The following SF3A1 variants were observed in gnomAD, a reference collection of about 807,000 sequenced individuals.
The protein encoded by SF3A1 is splicing factor 3a subunit 1, also known as SAP 114.
A neutral mutation model predicts 89.9 loss-of-function variants in SF3A1; 13 were observed. The ratio of observed to expected loss-of-function variants is 0.14; its 90% CI spans 0.09 to 0.23. The LOEUF (loss-of-function observed/expected upper bound fraction) is 0.23, where lower values mean the gene tolerates loss of function less well. Among genes scored for constraint, SF3A1 ranks in the 10% least tolerant of loss-of-function variants. The probability of loss-of-function intolerance (pLI) is 1.00; values close to 1 mark genes in which losing one functional copy is unlikely to be tolerated. For synonymous variants in SF3A1, 405 were observed against 374.4 expected (o/e 1.08, Z -0.94); for missense variants, 604 against 1,022.1 (o/e 0.59, Z 5.58).
chr22:30,342,139 A>G (rs989195434), intron 6 of SF3A1, 61 bp downstream of exon 6: 1 of 1,579,972 alleles, frequency 6.3e-7, no homozygotes, highest in Admixed American at 1.7e-5. Flanking sequence ...CACCTGCACC[A>G]GGTTTCCCGG....
chr22:30,354,360 CATT>C (rs1931694059), intron 1 of SF3A1, among the ~76,000 whole-genome samples: 1 of 152,152 alleles, frequency 6.6e-6, no homozygotes, highest in African/African-American at 2.4e-5. Flanking sequence ...TGCCCACAGC[CATT>C]ATCTGGGCGT....
intron 9 of SF3A1, among the ~76,000 whole-genome samples, chr22:30,339,796 G>A (rs1000637672): frequency 1.3e-5 from 2 of 152,180 alleles, no homozygotes; most frequent in Admixed American, 6.5e-5. Flanking sequence ...GTGAGTTAGA[G>A]AGGGCAACTG....
intron 2 of SF3A1, among the ~76,000 whole-genome samples, chr22:30,350,393 G>A (rs1485830355): frequency 6.6e-6 from 1 of 151,958 alleles, no homozygotes; most frequent in Non-Finnish European, 1.5e-5. Context: ...GAGGTGGGAG[G>A]ATAACTTGAG....
At chr22:30,338,079 C>A (rs2145803783) in intron 11 of SF3A1, among the ~76,000 whole-genome samples, 182 bp from the exon 12 acceptor site, 1 of 152,240 alleles carries the variant, frequency 6.6e-6, no homozygotes, top group Middle Eastern at 3.4e-3. Context: ...CTGCTGAGAG[C>A]CCGAGGATGA....
intron 1 of SF3A1, among the ~76,000 whole-genome samples, chr22:30,356,245 G>C (rs1931828552): frequency 6.6e-6 from 1 of 152,144 alleles, no homozygotes; most frequent in African/African-American, 2.4e-5. Context: ...CCGGTAATGT[G>C]GGAGCCTGGC....
intron 3 of SF3A1, among the ~76,000 whole-genome samples, chr22:30,345,581 G>A (rs1433240349): frequency 6.6e-6 from 1 of 152,174 alleles, no homozygotes; most frequent in Non-Finnish European, 1.5e-5. Flanking sequence ...GTGTTTCCAT[G>A]ACCTCCGCAT....
chr22:30,355,735 T>C (rs1401384880), intron 1 of SF3A1, among the ~76,000 whole-genome samples: 1 of 151,058 alleles, frequency 6.6e-6, no homozygotes, highest in Non-Finnish European at 1.5e-5. Context: ...TACCTTATTT[T>C]CCCCCAATGC....
rs1930997788 is a variant in SF3A1 at position 30,334,232 on chromosome 22, A to AT, written c.*361dup. The AT allele has an allele frequency of 5.5e-6, 1 of 180,732 alleles. No individual in the cohort carries two copies. Among genetic ancestry groups the AT allele is most frequent in the African/African-American group, 2.4e-5 (1 of 41,854 alleles). 11.2% of individuals were successfully genotyped at this position (180,732 alleles called of 1,614,324 possible). On this transcript the variant is annotated 3_prime_UTR_variant, in exon 16 of 16. Coordinates refer to ENST00000215793, the MANE Select transcript of SF3A1 (RefSeq NM_005877.6). ...ACAACCCATGTCAAGGTACAAAATG[A>AT]TTAATGACAATATCAGCCATATTCT...
chr22:30,342,947 G>A (rs766210705), intron 4 of SF3A1, 68 bp from the exon 5 acceptor site: 133 of 1,003,922 alleles, frequency 1.3e-4, no homozygotes, highest in Non-Finnish European at 1.5e-4. Flanking sequence ...CAGCCTTCCT[G>A]GGCCTGTGAT....
intron 1 of SF3A1, 167 bp downstream of exon 1, chr22:30,356,563 T>G: frequency 4.2e-6 from 2 of 476,384 alleles, no homozygotes; most frequent in Non-Finnish European, 3.5e-6. Flanking sequence ...CCGTTCAGGG[T>G]GGCTCATTTC....
At chr22:30,342,473 C>A in intron 5 of SF3A1, 123 bp from the exon 6 acceptor site, 1 of 1,119,486 alleles carries the variant, frequency 8.9e-7, no homozygotes, top group Non-Finnish European at 1.3e-6. Flanking sequence ...AGTATGGTTC[C>A]AAACTATGGC....
At chr22:30,353,094 T>G (rs367615008) in intron 1 of SF3A1, 22 bp from the exon 2 acceptor site, 1 of 1,612,862 alleles carries the variant, frequency 6.2e-7, no homozygotes. Flanking sequence ...GGAAAAGAAA[T>G]AAGGTTTTAA....
chr22:30,353,598 T>C (rs1417616768), intron 1 of SF3A1, among the ~76,000 whole-genome samples: 1 of 152,228 alleles, frequency 6.6e-6, no homozygotes, highest in African/African-American at 2.4e-5. Flanking sequence ...AAACTTTTTG[T>C]TCTGTTAGCT....
intron 1 of SF3A1, among the ~76,000 whole-genome samples, chr22:30,355,669 T>A (rs1931777078): frequency 6.6e-6 from 1 of 152,222 alleles, no homozygotes; most frequent in East Asian, 1.9e-4. Flanking sequence ...CATTTACTCT[T>A]GATCAGAGAC....
intron 15 of SF3A1, 82 bp from the exon 16 acceptor site, chr22:30,334,777 C>T: frequency 1.0e-6 from 1 of 956,584 alleles, no homozygotes; most frequent in Non-Finnish European, 1.6e-6. Flanking sequence ...TGCACTTGGT[C>T]TGTTTGCGCT....
In SF3A1 at chr22:30,341,876, G is replaced by A; in HGVS notation, c.887C>T (p.Pro296Leu). 6.2e-7 allele frequency: 1 copy of A among 1,612,406 alleles called. No homozygotes were observed. The highest frequency in any genetic ancestry group is 1.1e-5 in the South Asian group (1 of 91,074). The change falls in exon 7 of 16, where the codon CCT becomes CTT. Residue 296 changes from proline (P) to leucine (L), a missense_variant. Coordinates refer to ENST00000215793, the MANE Select transcript of SF3A1 (RefSeq NM_005877.6). ...DFQPNEQGNF[P>L]PPTTPEELGA... is the part of the protein sequence containing the mutation. Reference sequence around the variant, plus strand: ...CAGCTCCTCTGGCGTGGTGGGGGGAGGGAAGTTCCCTAGAGGGTGAGCCAG... The same window carrying A: ...CAGCTCCTCTGGCGTGGTGGGGGGAAGGAAGTTCCCTAGAGGGTGAGCCAG...
chr22:30,334,648 G>T lies in SF3A1; in HGVS notation c.2328C>A (p.Ala776=). Residue 776 remains alanine, a synonymous_variant, in exon 16 of 16, where the codon GCC becomes GCA. Transcript: ENST00000215793. ...GGGCCAGGTGGATGACTGCGCCATT[G>T]GCCATGTTGTAGTAAGCCAGTGAGT... is the stretch of plus-strand genomic sequence containing the variant. ...DSNSLAYYNM[A]NGAVIHLALK... The T allele has an allele frequency of 1.3e-6, 2 of 1,589,958 alleles. No individual in the cohort carries two copies. Among genetic ancestry groups the T allele is most frequent in the Non-Finnish European group, 1.7e-6 (2 of 1,171,766 alleles).
rs36085017 is a variant in SF3A1 at position 30,341,869 on chromosome 22, G to T, written c.894C>A (p.Pro298=). 1.9e-5 allele frequency: 30 copies of T among 1,612,608 alleles called. No individual in the cohort carries two copies. Among genetic ancestry groups the T allele is most frequent in the Middle Eastern group, 1.6e-4 (1 of 6,084 alleles). The change falls in exon 7 of 16, where the codon CCC becomes CCA. Residue 298 remains proline, a synonymous_variant. Transcript: ENST00000215793. ...QPNEQGNFPP[P]TTPEELGARI... ...GGGCCCCCAGCTCCTCTGGCGTGGT[G>T]GGGGGAGGGAAGTTCCCTAGAGGGT...
chr22:30,356,673 G>GT (rs1931867730), intron 1 of SF3A1, 57 bp downstream of exon 1: 2 of 1,324,408 alleles, frequency 1.5e-6, no homozygotes, highest in East Asian at 3.0e-5. Flanking sequence ...TCCTGTGCGA[G>GT]TAAGGAGCGC....
Sources: allele counts gnomAD v4.1 joint callset (sites outside exome capture counted in the v4.1 genomes callset), GRCh38; gene constraint gnomAD v4.1.1; transcripts MANE v1.5; gene names NCBI Gene and HGNC (gene_info 2026-07-23, HGNC 2026-07-21).